Variants in RTF1 observed in about 807,000 individuals in gnomAD.
RTF1 encodes the protein RTF1 homolog, Paf1/RNA polymerase II complex component, also known as RNA polymerase-associated protein RTF1 homolog.
Under a neutral mutation model 95.7 loss-of-function variants are expected in RTF1, and 10 were observed. The ratio of observed to expected loss-of-function variants is 0.10; its 90% CI spans 0.06 to 0.18. The LOEUF (loss-of-function observed/expected upper bound fraction) is 0.18, where lower values mean the gene tolerates loss of function less well. Among genes scored for constraint, RTF1 ranks in the 10% least tolerant of loss-of-function variants. The probability of loss-of-function intolerance (pLI) is 1.00; values close to 1 mark genes in which losing one functional copy is unlikely to be tolerated. For synonymous variants in RTF1, 305 were observed against 311.8 expected, an observed-to-expected ratio of 0.98 and a Z score of 0.23; for missense variants, 458 against 875.6, an observed-to-expected ratio of 0.52 and a Z score of 6.02.
At chr15:41,473,546 G>A (rs1415156143) in intron 8 of RTF1, among the ~76,000 whole-genome samples, 2 of 151,698 alleles carry the variant, frequency 1.3e-5, no homozygotes, top group African/African-American at 4.8e-5. Context: ...AAAGTGCTAG[G>A]TTTGCAGGTA....
intron 1 of RTF1, among the ~76,000 whole-genome samples, chr15:41,436,061 C>A (rs2050700173): frequency 1.3e-5 from 2 of 151,994 alleles, no homozygotes; most frequent in Non-Finnish European, 2.9e-5. Flanking sequence ...AATCCCAGCA[C>A]TTTGGGAGGC....
intron 1 of RTF1, among the ~76,000 whole-genome samples, chr15:41,433,424 T>C (rs537260602): frequency 6.6e-6 from 1 of 152,038 alleles, no homozygotes; most frequent in South Asian, 2.1e-4. Flanking sequence ...AACCCCCACC[T>C]CCCAGACTCA....
At chr15:41,456,571 C>T (rs1202532425) in intron 3 of RTF1, among the ~76,000 whole-genome samples, 3 of 150,846 alleles carry the variant, frequency 2.0e-5, no homozygotes, top group South Asian at 2.1e-4. Context: ...CCAAGGCGAG[C>T]GGATCACTTG....
At position 41,452,230 on chromosome 15, in the gene RTF1, G is replaced by C. The variant is rs959864673; in HGVS notation, c.310-671G>C. Among the ~76,000 whole-genome samples, 4 of 152,216 alleles carry C rather than the reference G, an allele frequency of 2.6e-5. No individual in the cohort carries two copies. The South Asian group carries it at 8.3e-4, about 32-fold the overall frequency. On this transcript the variant is annotated intron_variant, in intron 2 of 17. Transcript: ENST00000389629. The stretch of plus-strand genomic sequence containing the variant: ...GCAGGCAAATTGCTTGAGCTCAGGA[G>C]TTTAAGACCAGCCTGGGAAACGTGG...
At position 41,452,983 on chromosome 15, in the gene RTF1, A is replaced by G. The variant is rs908782146; in HGVS notation, c.392A>G (p.Asn131Ser). 2.5e-6 allele frequency: 4 copies of G among 1,612,902 alleles called. No individual in the cohort carries two copies. The highest frequency in any genetic ancestry group is 3.4e-6 in the Non-Finnish European group (4 of 1,179,706). The change falls in exon 3 of 18, where the codon AAC (asparagine) becomes AGC (serine). Residue 131 changes from asparagine (N) to serine (S), a missense_variant. Transcript: ENST00000389629. Reference sequence around the variant, plus strand: ...AAAGGAACCATGAAGAAACAGGCCAACAAAACTGCCTCCTCAGGCAGTTCA... The same window carrying G: ...AAAGGAACCATGAAGAAACAGGCCAGCAAAACTGCCTCCTCAGGCAGTTCA... ...EKKGTMKKQANKTASSGSSDK... is the reference protein window; with the variant it reads ...EKKGTMKKQASKTASSGSSDK...
chr15:41,482,800 A>G lies in RTF1; in HGVS notation c.*2113A>G, dbSNP rs1290609711. The G allele has an allele frequency of 6.6e-6, 1 of 152,534 alleles. No homozygotes were observed. Among genetic ancestry groups the G allele is most frequent in the Non-Finnish European group, 1.5e-5 (1 of 68,036 alleles). 9.4% of individuals were successfully genotyped at this position (152,534 alleles called of 1,614,324 possible). A position where few individuals can be genotyped will look rare whatever the true frequency, so the allele number is the denominator to read the frequency against. ...TCCTGGAGCTGCTGGGACCTCTCCT[A>G]TCATGATGAACTTGGACTTTTTTTT... On this transcript the variant is annotated 3_prime_UTR_variant, in exon 18 of 18. Coordinates refer to ENST00000389629, the MANE Select transcript of RTF1 (RefSeq NM_015138.5).
At chr15:41,470,484 C>T in intron 7 of RTF1, 92 bp downstream of exon 7, 1 of 1,346,318 alleles carries the variant, frequency 7.4e-7, no homozygotes, top group Non-Finnish European at 1.0e-6. Flanking sequence ...CTGGTTGGGC[C>T]ACTAACTCTG....
intron 3 of RTF1, among the ~76,000 whole-genome samples, chr15:41,454,565 T>C (rs2050803689): frequency 1.3e-5 from 2 of 152,152 alleles, no homozygotes; most frequent in Non-Finnish European, 2.9e-5. Context: ...GTCTTAAACC[T>C]TCTGCCTATA....
At chr15:41,461,085 C>T (rs544754225) in intron 4 of RTF1, among the ~76,000 whole-genome samples, 6 of 151,256 alleles carry the variant, frequency 4.0e-5, no homozygotes, top group Admixed American at 2.6e-4. Flanking sequence ...TCTTGTTGCC[C>T]AGGCTGGAGT....
rs1260329668 is a variant in RTF1 at position 41,479,205 on chromosome 15, G to A, written c.1914+7G>A. On this transcript the variant is annotated splice_region_variant and intron_variant, in intron 16 of 17. Transcript: ENST00000389629. ...TCCAAAGGAAATGAGCAAGGCAAGT[G>A]TGGTACCACCCTGTTGCCTGCTGAG... 1.3e-6 allele frequency: 2 copies of A among 1,598,074 alleles called. No homozygotes were observed. The highest frequency in any genetic ancestry group is 1.7e-6 in the Non-Finnish European group (2 of 1,166,024).
intron 2 of RTF1, among the ~76,000 whole-genome samples, chr15:41,450,201 T>TA (rs1484175695): frequency 6.6e-6 from 1 of 151,494 alleles, no homozygotes; most frequent in Non-Finnish European, 1.5e-5. Flanking sequence ...GTCTCAAAAA[T>TA]AAAAAATAAA....
At chr15:41,420,003 TG>T (rs1201799637) in intron 1 of RTF1, among the ~76,000 whole-genome samples, 1 of 152,100 alleles carries the variant, frequency 6.6e-6, no homozygotes, top group African/African-American at 2.4e-5. Context: ...GTATTTTTAG[TG>T]GAGACAGGGT....
At chr15:41,459,385 G>A (rs770661105) in intron 4 of RTF1, among the ~76,000 whole-genome samples, 1 of 152,014 alleles carries the variant, frequency 6.6e-6, no homozygotes, top group Non-Finnish European at 1.5e-5. Context: ...CAAAAAAAAG[G>A]GAGGGGAATT....
At chr15:41,447,136 G>A (rs2050767923) in intron 2 of RTF1, among the ~76,000 whole-genome samples, 1 of 152,066 alleles carries the variant, frequency 6.6e-6, no homozygotes, top group African/African-American at 2.4e-5. Flanking sequence ...CTTACTGAAA[G>A]GTATTTTATT....
chr15:41,446,342 G>A (rs915754608), intron 2 of RTF1, among the ~76,000 whole-genome samples: 7 of 152,000 alleles, frequency 4.6e-5, no homozygotes, highest in Admixed American at 3.3e-4. Context: ...AGGTTGAGGC[G>A]GGCGGATCAC....
Position 41,479,195 on chromosome 15 carries a change from C to T in RTF1, c.1911C>T (p.Ser637=). ...TACCAGATGCTCCAAAGGAAATGAG[C>T]AAGGCAAGTGTGGTACCACCCTGTT... ...GVLPDAPKEM[S]KGQGKDKDLN... Residue 637 remains serine (S), a synonymous_variant, in exon 16 of 18, where the codon AGC becomes AGT. Coordinates refer to ENST00000389629, the MANE Select transcript of RTF1 (RefSeq NM_015138.5). 1 of 1,609,902 alleles carries T rather than the reference C, an allele frequency of 6.2e-7. No homozygotes were observed. The highest frequency in any genetic ancestry group is 1.1e-5 in the South Asian group (1 of 90,982).
chr15:41,421,079 T>C (rs1363447625), intron 1 of RTF1, among the ~76,000 whole-genome samples: 1 of 151,210 alleles, frequency 6.6e-6, no homozygotes, highest in Non-Finnish European at 1.5e-5. Context: ...CTCAGCACTT[T>C]GGGAGGCCAA....
chr15:41,433,310 G>A (rs1025422536), intron 1 of RTF1, among the ~76,000 whole-genome samples: 2 of 152,020 alleles, frequency 1.3e-5, no homozygotes, highest in African/African-American at 4.8e-5. Flanking sequence ...AACTGAAGGG[G>A]TCAGAGAAGA....
At chr15:41,447,773 C>G (rs868060499) in intron 2 of RTF1, among the ~76,000 whole-genome samples, 2 of 151,992 alleles carry the variant, frequency 1.3e-5, no homozygotes, top group Non-Finnish European at 2.9e-5. Context: ...AGATGCACAC[C>G]GGTGGGTGCT....
Sources: allele counts gnomAD v4.1 joint callset (sites outside exome capture counted in the v4.1 genomes callset), GRCh38; gene constraint gnomAD v4.1.1; transcripts MANE v1.5; gene names NCBI Gene and HGNC (gene_info 2026-07-23, HGNC 2026-07-21).